Variants in TPX2 observed in about 807,000 individuals in gnomAD.
The protein encoded by TPX2 is TPX2 microtubule nucleation factor.
Under a neutral mutation model 93.6 loss-of-function variants are expected in TPX2, and 21 were observed. The ratio of observed to expected loss-of-function variants is 0.22; its 90% CI spans 0.16 to 0.32. The LOEUF (loss-of-function observed/expected upper bound fraction) is 0.32. Among genes scored for constraint, TPX2 ranks in the 10% least tolerant of loss-of-function variants. TPX2 has a pLI of 1.00. For synonymous variants in TPX2, 281 were observed against 298.3 expected (o/e 0.94, Z 0.60); for missense variants, 776 against 871.1 (o/e 0.89, Z 1.37).
chr20:31,756,299 A>C (rs11167292), intron 2 of TPX2, among the ~76,000 whole-genome samples: 13,334 of 152,186 alleles, frequency 0.088, 657 homozygotes, highest in African/African-American at 0.14. Context: ...GATATAAACA[A>C]AGCACAATTG....
intron 14 of TPX2, 39 bp downstream of exon 14, chr20:31,794,063 C>T: frequency 6.4e-7 from 1 of 1,556,660 alleles, no homozygotes; most frequent in Non-Finnish European, 8.7e-7. Flanking sequence ...TAATACTATT[C>T]TTTGATCCCT....
intron 5 of TPX2, among the ~76,000 whole-genome samples, chr20:31,769,049 T>G (rs1881472159): frequency 6.6e-6 from 1 of 152,116 alleles, no homozygotes; most frequent in African/African-American, 2.4e-5. Context: ...CTCACATACA[T>G]AAAGTTGAGT....
At position 31,757,013 on chromosome 20, in the gene TPX2, G is replaced by C. The variant is rs113720990; in HGVS notation, c.-70-394G>C. 1.7e-3 allele frequency among the ~76,000 whole-genome samples: 255 copies of C among 152,062 alleles called. 2 individuals are homozygous for C. The highest frequency in any genetic ancestry group is 6.0e-3 in the African/African-American group (248 of 41,472). ...TAAAGATAATTTTTATTTTTTTAGA[G>C]ATAGGGTCAACTACTTACAGATAAT... On this transcript the variant is annotated intron_variant, in intron 2 of 17. Coordinates refer to ENST00000300403, the MANE Select transcript of TPX2 (RefSeq NM_012112.5).
chr20:31,773,274 C>A (rs1298994997), intron 7 of TPX2, among the ~76,000 whole-genome samples: 1 of 151,688 alleles, frequency 6.6e-6, no homozygotes, highest in African/African-American at 2.4e-5. Flanking sequence ...GCCTCAGTCT[C>A]CCATGTGGCT....
At chr20:31,771,489 G>T in intron 6 of TPX2, 71 bp from the exon 7 acceptor site, 4 of 1,545,332 alleles carry the variant, frequency 2.6e-6, no homozygotes, top group Non-Finnish European at 3.5e-6. Flanking sequence ...ATATGCAGTA[G>T]ATTTGGGGAG....
At position 31,801,181 on chromosome 20, in the gene TPX2, T is replaced by A; in HGVS notation, c.*101T>A. The A allele has an allele frequency of 9.9e-7, 1 of 1,010,612 alleles. No individual in the cohort carries two copies. Among genetic ancestry groups the A allele is most frequent in the Non-Finnish European group, 1.5e-6 (1 of 658,208 alleles). 62.6% of individuals were successfully genotyped at this position (1,010,612 alleles called of 1,614,324 possible). ...GTCATTGGGCATGGAGAGAACCCAT[T>A]TCTCCAGACTTTTACCTACCCGTGC... is the stretch of plus-strand genomic sequence containing the variant. On this transcript the variant is annotated 3_prime_UTR_variant, in exon 18 of 18. Transcript: ENST00000300403.
chr20:31,771,974 C>T (rs1239996847), intron 7 of TPX2, among the ~76,000 whole-genome samples: 1 of 151,892 alleles, frequency 6.6e-6, no homozygotes, highest in Non-Finnish European at 1.5e-5. Context: ...ACCTCAGCCT[C>T]CCAAGTAGCT....
rs1470246796 is a variant in TPX2 at position 31,797,430 on chromosome 20, A to G, written c.1860A>G (p.Lys620=). ...TGGAAGAAGAACTGAGACAGCAGAAAGAAGCAGCTTGTTTCAAGGCTCGTC... is the reference window on the plus strand; with the variant it reads ...TGGAAGAAGAACTGAGACAGCAGAAGGAAGCAGCTTGTTTCAAGGCTCGTC... ...HQLEEELRQQ[K]EAACFKARPN... The change falls in exon 16 of 18, where the codon AAA becomes AAG. Residue 620 remains lysine, a synonymous_variant. Coordinates refer to ENST00000300403, the MANE Select transcript of TPX2 (RefSeq NM_012112.5). 1.2e-6 allele frequency: 2 copies of G among 1,614,168 alleles called. No individual in the cohort carries two copies. Among genetic ancestry groups the G allele is most frequent in the South Asian group, 1.1e-5 (1 of 91,078 alleles).
In TPX2 at chr20:31,801,627, T is replaced by C. The variant is rs925284596; in HGVS notation, c.*547T>C. 6.6e-6 allele frequency: 1 copy of C among 152,384 alleles called. No homozygotes were observed. Among genetic ancestry groups the C allele is most frequent in the Non-Finnish European group, 1.5e-5 (1 of 68,224 alleles). The allele number at this position is 152,384 out of a possible 1,614,324, so 9.4% of individuals were successfully genotyped here. A position where few individuals can be genotyped will look rare whatever the true frequency, so the allele number is the denominator to read the frequency against. The stretch of plus-strand genomic sequence containing the variant: ...TAGAAAACCTCACCAACTGCACCAG[T>C]GAGGAAGAAGACTGCGTGGATTCAT... On this transcript the variant is annotated 3_prime_UTR_variant, in exon 18 of 18. Coordinates refer to ENST00000300403, the MANE Select transcript of TPX2 (RefSeq NM_012112.5).
chr20:31,769,967 T>A (rs1219517727), intron 5 of TPX2, among the ~76,000 whole-genome samples: 2 of 152,054 alleles, frequency 1.3e-5, no homozygotes, highest in African/African-American at 4.8e-5. Context: ...AGGGCTAATT[T>A]TTAAAAAATT....
chr20:31,792,846 T>C lies in TPX2; in HGVS notation c.1509+16T>C. On this transcript the variant is annotated intron_variant, in intron 13 of 17. Transcript: ENST00000300403. Reference sequence around the variant, plus strand: ...AGAAGATGAGGTGATTCCCTGGGAGTAGGGGGGTTCTTTTTCCTTCTATAT... The same window carrying C: ...AGAAGATGAGGTGATTCCCTGGGAGCAGGGGGGTTCTTTTTCCTTCTATAT... 6.2e-7 allele frequency: 1 copy of C among 1,609,592 alleles called. No homozygotes were observed. The highest frequency in any genetic ancestry group is 8.5e-7 in the Non-Finnish European group (1 of 1,176,124).
At chr20:31,767,933 ATCTT>A (rs527720650) in intron 5 of TPX2, among the ~76,000 whole-genome samples, 105 of 130,530 alleles carry the variant, frequency 8.0e-4, no homozygotes, top group African/African-American at 3.0e-3. Context: ...CAAAAATTTC[ATCTT>A]TTTTTTTTTT....
At chr20:31,799,344 G>A (rs954306849) in intron 17 of TPX2, among the ~76,000 whole-genome samples, 2 of 152,198 alleles carry the variant, frequency 1.3e-5, no homozygotes, top group Admixed American at 6.5e-5. Context: ...ACAGTTAGAT[G>A]GGAGGAGTAA....
intron 3 of TPX2, 138 bp from the exon 4 acceptor site, chr20:31,759,919 T>C: frequency 8.7e-7 from 1 of 1,146,448 alleles, no homozygotes; most frequent in South Asian, 1.7e-5. Flanking sequence ...TTTCTTTTGA[T>C]TGCTAGAACT....
intron 11 of TPX2, among the ~76,000 whole-genome samples, chr20:31,782,932 A>ACACACAC (rs2062043108): frequency 6.9e-6 from 1 of 145,436 alleles, no homozygotes; most frequent in African/African-American, 2.5e-5. Flanking sequence ...ACACACACAC[A>ACACACAC]AAATCTAATC....
Position 31,757,475 on chromosome 20 carries a change from C to T in TPX2, c.-2C>T, listed in dbSNP as rs756985852. On this transcript the variant is annotated 5_prime_UTR_variant, in exon 3 of 18. Coordinates refer to ENST00000300403, the MANE Select transcript of TPX2 (RefSeq NM_012112.5). The stretch of plus-strand genomic sequence containing the variant: ...CTGCTCTTCTGCGTTAAGTGGGAGA[C>T]AATGTCACAAGTTAAAAGCTCTTAT... 3 of 1,612,820 alleles carry T rather than the reference C, an allele frequency of 1.9e-6. No individual in the cohort carries two copies. Among genetic ancestry groups the T allele is most frequent in the Non-Finnish European group, 1.7e-6 (2 of 1,179,190 alleles).
At chr20:31,773,143 ATTTTTTTTTTT>A (rs769516478) in intron 7 of TPX2, among the ~76,000 whole-genome samples, 1 of 102,356 alleles carries the variant, frequency 9.8e-6, no homozygotes, top group African/African-American at 4.0e-5. Flanking sequence ...CACCCGGCTA[ATTTTTTTTTTT>A]TTTTTTTTTT....
At chr20:31,743,379 G>C (rs1326678773) in intron 2 of TPX2, among the ~76,000 whole-genome samples, 3 of 151,920 alleles carry the variant, frequency 2.0e-5, no homozygotes, top group African/African-American at 7.3e-5. Flanking sequence ...ATTGTTTAGG[G>C]AATAATGACA....
chr20:31,798,233 C>A, intron 16 of TPX2, 132 bp from the exon 17 acceptor site: 1 of 1,123,166 alleles, frequency 8.9e-7, no homozygotes, highest in Non-Finnish European at 1.3e-6. Flanking sequence ...CTCTACCTTT[C>A]TCCCAATGGG....
Sources: allele counts gnomAD v4.1 joint callset (sites outside exome capture counted in the v4.1 genomes callset), GRCh38; gene constraint gnomAD v4.1.1; transcripts MANE v1.5; gene names NCBI Gene and HGNC (gene_info 2026-07-23, HGNC 2026-07-21).